LRBA: variants seen among roughly 807,000 people sequenced by gnomAD.
LRBA encodes the protein LPS responsive beige-like anchor protein.
Under a neutral mutation model 330.0 loss-of-function variants are expected in LRBA, and 176 were observed. The ratio of observed to expected loss-of-function variants is 0.53; its 90% confidence interval spans 0.47 to 0.60. LRBA has a LOEUF of 0.60. Ranked by LOEUF, LRBA falls within the 20% of genes least tolerant of loss-of-function variation. The probability of loss-of-function intolerance (pLI) is 0.00; values close to 1 mark genes in which losing one functional copy is unlikely to be tolerated. For synonymous variants in LRBA, 1,230 were observed against 1,193.0 expected, an observed-to-expected ratio of 1.03 and a Z score of -0.64; for missense variants, 3,259 against 3,444.8, an observed-to-expected ratio of 0.95 and a Z score of 1.35.
rs578259456 is a variant in LRBA at position 150,302,801 on chromosome 4, C to A, written c.7850-9G>T. ...CACTTGGATCAATCTTCCTGTAATG[C>A]AAAACAATTTTCTTTAAAAATGCTA... On this transcript the variant is annotated splice_polypyrimidine_tract_variant and intron_variant, in intron 52 of 56. Transcript: ENST00000651943. The A allele has an allele frequency of 1.3e-6, 2 of 1,551,642 alleles. No individual in the cohort carries two copies. Among genetic ancestry groups the A allele is most frequent in the South Asian group, 1.3e-5 (1 of 79,144 alleles).
In LRBA at chr4:150,341,454, C is replaced by A. The variant is rs188080194; in HGVS notation, c.7362+8538G>T. 2.0e-5 allele frequency among the ~76,000 whole-genome samples: 3 copies of A among 152,202 alleles called. No individual in the cohort carries two copies. In the East Asian group the frequency reaches 5.8e-4, roughly 29 times the overall value. ...AAGTGCTGGGATTACAGGTGTGAGC[C>A]ACCTTGCCTGGCCTATCACCAACTT... On this transcript the variant is annotated intron_variant, in intron 48 of 56. Coordinates refer to ENST00000651943, the MANE Select transcript of LRBA (RefSeq NM_001364905.1).
At chr4:150,317,447 A>T (rs1212340785) in intron 50 of LRBA, among the ~76,000 whole-genome samples, 2 of 152,016 alleles carry the variant, frequency 1.3e-5, no homozygotes, top group African/African-American at 2.4e-5. Flanking sequence ...AAATTACAGT[A>T]TGTATAAGAA....
intron 37 of LRBA, among the ~76,000 whole-genome samples, chr4:150,661,415 A>G (rs1034593276): frequency 1.6e-4 from 24 of 149,018 alleles, no homozygotes; most frequent in East Asian, 8.1e-4. Flanking sequence ...GGTTGCTGTG[A>G]GCCGAGATCG....
At chr4:150,960,359 C>T (rs1320866331) in intron 2 of LRBA, among the ~76,000 whole-genome samples, 2 of 148,722 alleles carry the variant, frequency 1.3e-5, no homozygotes, top group African/African-American at 5.2e-5. Context: ...GACACAAGAA[C>T]ATGTTAAACT....
chr4:150,299,480 A>G (rs1228372727), intron 53 of LRBA, among the ~76,000 whole-genome samples: 1 of 152,066 alleles, frequency 6.6e-6, no homozygotes, highest in Non-Finnish European at 1.5e-5. Context: ...TATAGGTTTT[A>G]CACTTGATCT....
chr4:150,378,153 T>C lies in LRBA; in HGVS notation c.7195-27994A>G, dbSNP rs528492570. Among the ~76,000 whole-genome samples the C allele has an allele frequency of 2.0e-5, 3 of 152,336 alleles. No individual in the cohort carries two copies. In the South Asian group the frequency reaches 6.2e-4, roughly 32 times the overall value. On this transcript the variant is annotated intron_variant, in intron 47 of 56. Transcript: ENST00000651943. ...TAAATAGATATTTTACTAATTAGCA[T>C]GATCCCTTACTTCTTATGTATAAGT...
At chr4:150,647,361 T>TC (rs1279557446) in intron 37 of LRBA, among the ~76,000 whole-genome samples, 1 of 135,900 alleles carries the variant, frequency 7.4e-6, no homozygotes, top group Non-Finnish European at 1.6e-5. Flanking sequence ...TCTTTTTTTT[T>TC]TTTTTTTTTT....
At chr4:150,588,288 C>G in intron 39 of LRBA, 104 bp from the exon 40 acceptor site, 1 of 1,098,956 alleles carries the variant, frequency 9.1e-7, no homozygotes, top group Non-Finnish European at 1.3e-6. Flanking sequence ...ACGTCTAGTA[C>G]TGAACTGCCT....
In LRBA at chr4:150,307,567, A is replaced by T. The variant is rs532667903; in HGVS notation, c.7849+2662T>A. On this transcript the variant is annotated intron_variant, in intron 52 of 56. Coordinates refer to ENST00000651943, the MANE Select transcript of LRBA (RefSeq NM_001364905.1). ...AGAACCCTGTCTCTATAAAAATTTAAAAAAAAAAAAAGCAAAAAAAACAAG... is the reference window on the plus strand; with the variant it reads ...AGAACCCTGTCTCTATAAAAATTTATAAAAAAAAAAAGCAAAAAAAACAAG... 1.6e-3 allele frequency among the ~76,000 whole-genome samples: 223 copies of T among 137,466 alleles called. 1 individual carries two copies. The highest frequency in any genetic ancestry group is 6.8e-3 in the African/African-American group (214 of 31,538). 90.2% of individuals were successfully genotyped at this position (137,466 alleles called of 152,430 possible). A position where few individuals can be genotyped will look rare whatever the true frequency, so the allele number is the denominator to read the frequency against.
At chr4:150,634,880 G>A (rs755874712) in intron 37 of LRBA, among the ~76,000 whole-genome samples, 2 of 152,110 alleles carry the variant, frequency 1.3e-5, no homozygotes, top group Non-Finnish European at 2.9e-5. Flanking sequence ...GACTCTAGAG[G>A]GTGGATCCCT....
intron 34 of LRBA, among the ~76,000 whole-genome samples, chr4:150,775,376 C>T (rs1006926309): frequency 1.3e-5 from 2 of 151,734 alleles, no homozygotes; most frequent in African/African-American, 2.4e-5. Flanking sequence ...AGTGCTAAAA[C>T]AGTGACCAGT....
chr4:150,340,707 GT>G (rs766464732), intron 48 of LRBA, among the ~76,000 whole-genome samples: 1 of 152,098 alleles, frequency 6.6e-6, no homozygotes, highest in Admixed American at 6.6e-5. Context: ...GTTATTTGTT[GT>G]TGCTTTAGAT....
intron 36 of LRBA, among the ~76,000 whole-genome samples, chr4:150,734,583 A>G (rs1033926266): frequency 2.6e-5 from 4 of 152,156 alleles, no homozygotes; most frequent in Admixed American, 2.0e-4. Context: ...TTCTATAGCA[A>G]ATGTACTACT....
chr4:150,925,580 C>T (rs1473842169), intron 4 of LRBA, among the ~76,000 whole-genome samples: 2 of 152,114 alleles, frequency 1.3e-5, no homozygotes, highest in East Asian at 3.8e-4. Flanking sequence ...TTGCCATTTT[C>T]CAACTTTAAA....
intron 55 of LRBA, among the ~76,000 whole-genome samples, chr4:150,281,381 A>C (rs1026104523): frequency 2.0e-4 from 30 of 152,154 alleles, no homozygotes; most frequent in African/African-American, 7.0e-4. Context: ...ACAAGAAGGA[A>C]GCCGTCCACT....
chr4:150,648,558 C>G lies in LRBA; in HGVS notation c.5921+34993G>C, dbSNP rs75537628. Among the ~76,000 whole-genome samples, 190 of 151,938 alleles carry G rather than the reference C, an allele frequency of 1.3e-3. 3 individuals carry two copies. The highest frequency in any genetic ancestry group is 4.4e-3 in the African/African-American group (184 of 41,464). ...TGTGACAATCAAAAACATGCCCCCC[C>G]ACCCCACATTTCTAAATTACCCCAG... is the stretch of plus-strand genomic sequence containing the variant. On this transcript the variant is annotated intron_variant, in intron 37 of 56. Coordinates refer to ENST00000651943, the MANE Select transcript of LRBA (RefSeq NM_001364905.1).
At chr4:150,367,270 C>T (rs1323324699) in intron 47 of LRBA, among the ~76,000 whole-genome samples, 1 of 152,026 alleles carries the variant, frequency 6.6e-6, no homozygotes, top group South Asian at 2.1e-4. Flanking sequence ...AAATGGGGTA[C>T]ATCTGTTTTT....
At chr4:150,918,244 T>C (rs548092922) in intron 5 of LRBA, among the ~76,000 whole-genome samples, 9 of 152,238 alleles carry the variant, frequency 5.9e-5, no homozygotes, top group African/African-American at 1.9e-4. Flanking sequence ...CCAAAATATA[T>C]AAAGTACTCT....
At chr4:150,542,154 G>A (rs565919735) in intron 40 of LRBA, among the ~76,000 whole-genome samples, 4 of 152,170 alleles carry the variant, frequency 2.6e-5, no homozygotes, top group Non-Finnish European at 5.9e-5. Flanking sequence ...AAACAAAAAT[G>A]GGTTCATTGC....
Sources: allele counts gnomAD v4.1 joint callset (sites outside exome capture counted in the v4.1 genomes callset), GRCh38; gene constraint gnomAD v4.1.1; transcripts MANE v1.5; gene names NCBI Gene and HGNC (gene_info 2026-07-23, HGNC 2026-07-21).